The following GRM5 variants were observed in gnomAD, a reference collection of about 807,000 sequenced individuals.
The protein encoded by GRM5 is metabotropic glutamate receptor 5.
In GRM5, 19 loss-of-function variants were observed where a neutral mutation model predicts 83.1. That is an observed-to-expected ratio of 0.23 (90% CI 0.16 to 0.34). The LOEUF (loss-of-function observed/expected upper bound fraction) is 0.34. Ranked by LOEUF, GRM5 falls within the 10% of genes least tolerant of loss-of-function variation. The pLI is 1.00. For synonymous variants in GRM5, 675 were observed against 633.6 expected (o/e 1.07, Z -0.98); for missense variants, 1,160 against 1,588.3 (o/e 0.73, Z 4.58).
At chr11:89,030,536 A>G (rs1941238768) in intron 2 of GRM5, among the ~76,000 whole-genome samples, 1 of 152,128 alleles carries the variant, frequency 6.6e-6, no homozygotes, top group African/African-American at 2.4e-5. Context: ...GGTAATTAAA[A>G]GTACTTAACT....
intron 2 of GRM5, among the ~76,000 whole-genome samples, chr11:88,860,823 T>G (rs1220569181): frequency 1.3e-5 from 2 of 152,172 alleles, no homozygotes; most frequent in Non-Finnish European, 2.9e-5. Context: ...TTGAGCCTCA[T>G]TTAAGAGTGG....
chr11:88,681,435 CCTT>C (rs1472889179), intron 3 of GRM5, among the ~76,000 whole-genome samples: 2 of 151,346 alleles, frequency 1.3e-5, no homozygotes, highest in Non-Finnish European at 2.9e-5. Context: ...TTTTGAAATT[CCTT>C]CTTCTCTTAG....
At chr11:88,542,312 C>T (rs1391070374) in intron 8 of GRM5, among the ~76,000 whole-genome samples, 2 of 151,912 alleles carry the variant, frequency 1.3e-5, no homozygotes, top group Admixed American at 6.6e-5. Flanking sequence ...TATTGTAGAA[C>T]ACTAGATTAA....
intron 3 of GRM5, among the ~76,000 whole-genome samples, chr11:88,763,105 T>A (rs1942560604): frequency 6.6e-6 from 1 of 151,858 alleles, no homozygotes; most frequent in Non-Finnish European, 1.5e-5. Flanking sequence ...AAATAATTTG[T>A]ACAACAAACC....
intron 2 of GRM5, among the ~76,000 whole-genome samples, chr11:88,992,720 A>G (rs1940022782): frequency 6.6e-6 from 1 of 151,974 alleles, no homozygotes; most frequent in Non-Finnish European, 1.5e-5. Flanking sequence ...CTTTGTAGGG[A>G]CATGGATGAA....
At chr11:88,789,284 G>A (rs911938829) in intron 3 of GRM5, among the ~76,000 whole-genome samples, 75 of 151,934 alleles carry the variant, frequency 4.9e-4, no homozygotes, top group African/African-American at 1.7e-3. Context: ...TTAACAAGAA[G>A]GAAATTGTGG....
chr11:88,622,658 G>GAT (rs1398477336), intron 4 of GRM5, among the ~76,000 whole-genome samples: 1 of 152,112 alleles, frequency 6.6e-6, no homozygotes, highest in African/African-American at 2.4e-5. Context: ...ATCAAAACAT[G>GAT]ATATATATGC....
At chr11:88,857,332 T>TA (rs965928776) in intron 2 of GRM5, among the ~76,000 whole-genome samples, 13 of 152,134 alleles carry the variant, frequency 8.5e-5, no homozygotes, top group African/African-American at 2.9e-4. Flanking sequence ...TTCAAAAAAA[T>TA]AAAAAATAAA....
chr11:88,551,154 G>A (rs559578897), intron 8 of GRM5, among the ~76,000 whole-genome samples: 1 of 152,148 alleles, frequency 6.6e-6, no homozygotes, highest in Non-Finnish European at 1.5e-5. Context: ...GGTTGTTTTA[G>A]TGGTTCAGTG....
At chr11:89,065,134 A>T (rs1207196711) in intron 1 of GRM5, among the ~76,000 whole-genome samples, 3 of 151,528 alleles carry the variant, frequency 2.0e-5, no homozygotes, top group Non-Finnish European at 4.4e-5. Flanking sequence ...GGAAACTGAC[A>T]TTTACACCCA....
chr11:89,039,278 AAT>A (rs201313831), intron 2 of GRM5, among the ~76,000 whole-genome samples: 4 of 149,088 alleles, frequency 2.7e-5, no homozygotes, highest in Non-Finnish European at 3.0e-5. Flanking sequence ...ATAAAAAAAA[AAT>A]ATATATATAT....
At chr11:88,822,237 C>T (rs576315310) in intron 3 of GRM5, among the ~76,000 whole-genome samples, 17 of 152,192 alleles carry the variant, frequency 1.1e-4, no homozygotes, top group East Asian at 5.8e-4. Context: ...TACAGGATGA[C>T]GCATACTTTG....
chr11:89,000,045 A>G (rs1291401634), intron 2 of GRM5, among the ~76,000 whole-genome samples: 1 of 152,118 alleles, frequency 6.6e-6, no homozygotes, highest in Non-Finnish European at 1.5e-5. Context: ...CAATGAGAAC[A>G]CATGGACACA....
At chr11:88,895,544 G>A (rs1945215647) in intron 2 of GRM5, among the ~76,000 whole-genome samples, 2 of 151,780 alleles carry the variant, frequency 1.3e-5, no homozygotes, top group Non-Finnish European at 2.9e-5. Flanking sequence ...ATTGGATTGT[G>A]AAAATATTTA....
intron 2 of GRM5, among the ~76,000 whole-genome samples, chr11:88,862,335 A>G (rs1230745328): frequency 6.6e-6 from 1 of 152,106 alleles, no homozygotes; most frequent in African/African-American, 2.4e-5. Context: ...TTGTTTTGTT[A>G]TATATATATT....
At chr11:88,680,823 T>C (rs989794527) in intron 3 of GRM5, among the ~76,000 whole-genome samples, 1 of 152,184 alleles carries the variant, frequency 6.6e-6, no homozygotes, top group Non-Finnish European at 1.5e-5. Flanking sequence ...GCTTTCCTGA[T>C]GGTCTAAAAA....
chr11:88,760,037 A>T (rs990733041), intron 3 of GRM5, among the ~76,000 whole-genome samples: 3 of 152,154 alleles, frequency 2.0e-5, no homozygotes, highest in African/African-American at 7.2e-5. Context: ...ATGGGAACAA[A>T]GATGCAACAT....
intron 3 of GRM5, among the ~76,000 whole-genome samples, chr11:88,670,686 C>T (rs1472340593): frequency 6.6e-6 from 1 of 151,942 alleles, no homozygotes; most frequent in African/African-American, 2.4e-5. Flanking sequence ...TTTGAAATGA[C>T]CAGTGAATGT....
At chr11:88,539,244 T>C (rs1942208778) in intron 8 of GRM5, among the ~76,000 whole-genome samples, 1 of 152,204 alleles carries the variant, frequency 6.6e-6, no homozygotes, top group African/African-American at 2.4e-5. Context: ...CCTGTTTCTA[T>C]TTTTGTATTC....
Sources: allele counts gnomAD v4.1 joint callset (sites outside exome capture counted in the v4.1 genomes callset), GRCh38; gene constraint gnomAD v4.1.1; transcripts MANE v1.5; gene names NCBI Gene and HGNC (gene_info 2026-07-23, HGNC 2026-07-21).